Variants in SHANK2 observed in about 807,000 individuals in gnomAD.
SHANK2 encodes the protein SH3 and multiple ankyrin repeat domains 2, also known as SH3 and multiple ankyrin repeat domains protein 2.
In SHANK2, 43 loss-of-function variants were observed where a neutral mutation model predicts 133.7. The ratio of observed to expected loss-of-function variants is 0.32; its 90% CI spans 0.25 to 0.41. The LOEUF is 0.41. SHANK2 is among the 10% of genes least tolerant of loss of function. The pLI, the probability that SHANK2 is intolerant of heterozygous loss-of-function variation, is 1.00. For synonymous variants in SHANK2, 1,017 were observed against 952.8 expected, an observed-to-expected ratio of 1.07 and a Z score of -1.24; for missense variants, 1,994 against 2,235.8, an observed-to-expected ratio of 0.89 and a Z score of 2.18.
At chr11:70,853,367 C>T (rs1401429235) in intron 11 of SHANK2, among the ~76,000 whole-genome samples, 2 of 152,186 alleles carry the variant, frequency 1.3e-5, no homozygotes, top group African/African-American at 2.4e-5. Flanking sequence ...TCACAGCGGC[C>T]GTGGGGACAG....
intron 2 of SHANK2, among the ~76,000 whole-genome samples, chr11:71,215,876 G>T (rs1416977203): frequency 6.6e-6 from 1 of 152,100 alleles, no homozygotes; most frequent in East Asian, 1.9e-4. Context: ...CACCACCTTG[G>T]GCACATTGCT....
chr11:70,741,235 C>G (rs1481893459), intron 14 of SHANK2, among the ~76,000 whole-genome samples: 8 of 45,540 alleles, frequency 1.8e-4, no homozygotes, highest in African/African-American at 4.2e-4. Flanking sequence ...AACCATGCAT[C>G]CATCCATCCA....
intron 3 of SHANK2, among the ~76,000 whole-genome samples, chr11:71,129,515 C>T (rs782024803): frequency 7.2e-5 from 11 of 152,248 alleles, no homozygotes; most frequent in Non-Finnish European, 1.3e-4. Flanking sequence ...CATGATGGTA[C>T]GTGTCTGCAG....
chr11:70,663,621 G>A (rs1017933571), intron 15 of SHANK2, among the ~76,000 whole-genome samples: 1 of 152,150 alleles, frequency 6.6e-6, no homozygotes, highest in Non-Finnish European at 1.5e-5. Flanking sequence ...CCAGGTGACT[G>A]GTCACTCCCG....
intron 17 of SHANK2, among the ~76,000 whole-genome samples, chr11:70,575,164 G>T (rs1405037621): frequency 2.0e-5 from 3 of 152,136 alleles, no homozygotes; most frequent in African/African-American, 7.2e-5. Flanking sequence ...TGGGGTCCAG[G>T]CCAAGCCACC....
chr11:70,670,299 G>A (rs1187280614), intron 15 of SHANK2, among the ~76,000 whole-genome samples: 5 of 152,256 alleles, frequency 3.3e-5, no homozygotes, highest in Non-Finnish European at 7.3e-5. Context: ...CCAGGGAACG[G>A]TGATGGCAGT....
chr11:70,766,420 T>A (rs1947125322), intron 14 of SHANK2, among the ~76,000 whole-genome samples: 2 of 152,222 alleles, frequency 1.3e-5, no homozygotes, highest in Admixed American at 1.3e-4. Flanking sequence ...TCTTGGATAA[T>A]CTGGCTGGGA....
intron 17 of SHANK2, among the ~76,000 whole-genome samples, chr11:70,621,313 G>A (rs576033721): frequency 6.6e-6 from 1 of 152,348 alleles, no homozygotes; most frequent in South Asian, 2.1e-4. Flanking sequence ...GGAAACCGAG[G>A]CAGGAGCGGC....
chr11:71,178,458 C>G (rs1953486862), intron 2 of SHANK2, among the ~76,000 whole-genome samples: 1 of 152,064 alleles, frequency 6.6e-6, no homozygotes, highest in Non-Finnish European at 1.5e-5. Context: ...TTAATGGGCA[C>G]AGAGATTTTG....
At chr11:70,601,068 T>TCTATATCTATATCTATA (rs781966152) in intron 17 of SHANK2, among the ~76,000 whole-genome samples, 1 of 147,364 alleles carries the variant, frequency 6.8e-6, no homozygotes, top group African/African-American at 2.5e-5. Flanking sequence ...TATATCTATA[T>TCTATATCTATATCTATA]TTGAGATGGA....
intron 14 of SHANK2, among the ~76,000 whole-genome samples, chr11:70,768,360 A>T (rs1408604842): frequency 6.6e-6 from 1 of 152,226 alleles, no homozygotes; most frequent in Non-Finnish European, 1.5e-5. Flanking sequence ...ATAGGCAAGA[A>T]TAGAGCTCCC....
intron 17 of SHANK2, among the ~76,000 whole-genome samples, chr11:70,595,333 G>T (rs549095425): frequency 1.2e-3 from 176 of 152,300 alleles, no homozygotes; most frequent in Middle Eastern, 6.8e-3. Flanking sequence ...AGCCGAGGCC[G>T]CTGCGTTTGT....
intron 17 of SHANK2, among the ~76,000 whole-genome samples, chr11:70,589,881 C>T (rs948376501): frequency 2.4e-4 from 36 of 152,102 alleles, no homozygotes; most frequent in African/African-American, 3.9e-4. Flanking sequence ...TGGCCGGGCA[C>T]GGTGGCTCAC....
intron 14 of SHANK2, among the ~76,000 whole-genome samples, chr11:70,770,915 CTTTTTTTTTT>C (rs71467419): frequency 1.1e-4 from 10 of 92,850 alleles, no homozygotes; most frequent in African/African-American, 3.4e-4. Context: ...CTCTTACTTC[CTTTTTTTTTT>C]TTTTTTTTTT....
At chr11:71,067,956 TCAC>T (rs1364034284) in intron 9 of SHANK2, among the ~76,000 whole-genome samples, 1 of 151,024 alleles carries the variant, frequency 6.6e-6, no homozygotes, top group Admixed American at 6.6e-5. Flanking sequence ...ATTATCACTG[TCAC>T]CACCATCCTC....
At chr11:70,480,975 T>A (rs1284532403) in intron 25 of SHANK2, among the ~76,000 whole-genome samples, 1 of 152,226 alleles carries the variant, frequency 6.6e-6, no homozygotes, top group Non-Finnish European at 1.5e-5. Context: ...TGGCAGCTGT[T>A]GTCTTGGCAT....
intron 2 of SHANK2, among the ~76,000 whole-genome samples, chr11:71,195,435 C>T (rs189832672): frequency 1.3e-5 from 2 of 151,358 alleles, no homozygotes; most frequent in East Asian, 3.9e-4. Context: ...GTCATCACAG[C>T]CAAAATATGC....
chr11:71,066,117 A>G (rs878959640), intron 9 of SHANK2, among the ~76,000 whole-genome samples: 99 of 2,962 alleles, frequency 0.033, no homozygotes, highest in South Asian at 0.043. Context: ...GAACTCTCCC[A>G]GGGAGATGAG....
chr11:71,216,845 C>T (rs1954424048), intron 2 of SHANK2, among the ~76,000 whole-genome samples: 1 of 152,190 alleles, frequency 6.6e-6, no homozygotes, highest in Non-Finnish European at 1.5e-5. Flanking sequence ...TAAGAAAAAA[C>T]TATGTTACTG....
Sources: gnomAD v4.1 joint callset for allele counts (sites outside exome capture counted in the v4.1 genomes callset) on GRCh38, gnomAD v4.1.1 for gene constraint, MANE v1.5 for transcripts, NCBI Gene and HGNC (gene_info 2026-07-23, HGNC 2026-07-21) for gene names.